Variants in AMOTL1 observed in about 807,000 individuals in gnomAD.
The protein encoded by AMOTL1 is angiomotin-like protein 1.
Under a neutral mutation model 102.9 loss-of-function variants are expected in AMOTL1, and 45 were observed. The ratio of observed to expected loss-of-function variants is 0.44; its 90% confidence interval spans 0.34 to 0.56. The LOEUF (loss-of-function observed/expected upper bound fraction) is 0.56, where lower values mean the gene tolerates loss of function less well. Among genes scored for constraint, AMOTL1 ranks in the 20% least tolerant of loss-of-function variants. The probability of loss-of-function intolerance (pLI) is 0.01; values close to 1 mark genes in which losing one functional copy is unlikely to be tolerated. For missense variants in AMOTL1, 1,114 were observed against 1,225.6 expected, an observed-to-expected ratio of 0.91 and a Z score of 1.36; for synonymous variants, 481 against 484.7, an observed-to-expected ratio of 0.99 and a Z score of 0.10.
rs1305747827 is a variant in AMOTL1 at position 94,768,457 on chromosome 11, G to A, written c.-55G>A. On this transcript the variant is annotated 5_prime_UTR_variant, in exon 1 of 13. Coordinates refer to ENST00000433060, the MANE Select transcript of AMOTL1 (RefSeq NM_130847.3). The stretch of plus-strand genomic sequence containing the variant: ...TGATTGTCCGGCGCCACTTCCCCGC[G>A]CTGCCCGGCAGCCGTCTTCCCCAGC... 2 of 1,556,596 alleles carry A rather than the reference G, an allele frequency of 1.3e-6. No individual in the cohort carries two copies. Among genetic ancestry groups the A allele is most frequent in the Middle Eastern group, 1.7e-4 (1 of 5,992 alleles).
At chr11:94,787,007 T>A (rs1271018260) in intron 1 of AMOTL1, among the ~76,000 whole-genome samples, 1 of 151,448 alleles carries the variant, frequency 6.6e-6, no homozygotes, top group Non-Finnish European at 1.5e-5. Flanking sequence ...CAAAGGTGAA[T>A]AAGACACAGT....
intron 3 of AMOTL1, among the ~76,000 whole-genome samples, chr11:94,815,167 T>C (rs1050975160): frequency 6.6e-6 from 1 of 152,202 alleles, no homozygotes; most frequent in African/African-American, 2.4e-5. Flanking sequence ...ATCGTTTAGA[T>C]TCATTGGTAA....
chr11:94,820,543 C>T (rs549094151), intron 3 of AMOTL1, among the ~76,000 whole-genome samples: 256 of 152,282 alleles, frequency 1.7e-3, no homozygotes, highest in Non-Finnish European at 2.8e-3. Flanking sequence ...ACCAGGGATC[C>T]GTTTTGTGGA....
At chr11:94,735,174 G>C (rs550260306) in intron 2 of AMOTL1, among the ~76,000 whole-genome samples, 347 of 152,340 alleles carry the variant, frequency 2.3e-3, no homozygotes, top group Non-Finnish European at 4.4e-3. Context: ...TGCAGTCAAA[G>C]CAGACCCTGC....
chr11:94,746,170 G>T (rs1042117609), intron 3 of AMOTL1, among the ~76,000 whole-genome samples: 4 of 152,166 alleles, frequency 2.6e-5, no homozygotes, highest in African/African-American at 9.7e-5. Flanking sequence ...AGAGAAAGGG[G>T]TGTGTCTCTG....
At chr11:94,772,548 A>C (rs1452069451) in intron 1 of AMOTL1, among the ~76,000 whole-genome samples, 2 of 152,198 alleles carry the variant, frequency 1.3e-5, no homozygotes, top group African/African-American at 4.8e-5. Flanking sequence ...TGCATCTCTC[A>C]ATAGTTTGTT....
chr11:94,725,803 T>G (rs1950248100), intron 1 of AMOTL1, among the ~76,000 whole-genome samples: 1 of 152,154 alleles, frequency 6.6e-6, no homozygotes, highest in South Asian at 2.1e-4. Flanking sequence ...TGCAAATGCC[T>G]TGTAATAATT....
intron 3 of AMOTL1, among the ~76,000 whole-genome samples, chr11:94,762,178 T>C (rs1348859502): frequency 6.6e-6 from 1 of 152,228 alleles, no homozygotes; most frequent in African/African-American, 2.4e-5. Context: ...GCAATCATAA[T>C]AGAATGATAT....
intron 3 of AMOTL1, among the ~76,000 whole-genome samples, chr11:94,819,531 C>A (rs1951826539): frequency 1.3e-5 from 2 of 152,204 alleles, no homozygotes; most frequent in Non-Finnish European, 2.9e-5. Flanking sequence ...AAAAGCTAAT[C>A]AGAGACTCAA....
At chr11:94,801,377 C>T (rs1451483274) in intron 3 of AMOTL1, among the ~76,000 whole-genome samples, 2 of 151,852 alleles carry the variant, frequency 1.3e-5, no homozygotes, top group Admixed American at 1.3e-4. Flanking sequence ...AGTTGGGACC[C>T]GTTTGGTTGA....
intron 1 of AMOTL1, among the ~76,000 whole-genome samples, chr11:94,721,081 C>T (rs1950168122): frequency 6.6e-6 from 1 of 152,084 alleles, no homozygotes; most frequent in Non-Finnish European, 1.5e-5. Flanking sequence ...TTTTCTGGCT[C>T]TAAGAATCTA....
intron 1 of AMOTL1, among the ~76,000 whole-genome samples, chr11:94,788,271 C>G (rs190012152): frequency 6.6e-6 from 1 of 152,190 alleles, no homozygotes; most frequent in African/African-American, 2.4e-5. Context: ...ACTACCTAAT[C>G]TCTAATTTAT....
At chr11:94,778,994 G>T (rs762737525) in intron 1 of AMOTL1, among the ~76,000 whole-genome samples, 1 of 152,142 alleles carries the variant, frequency 6.6e-6, no homozygotes, top group Non-Finnish European at 1.5e-5. Flanking sequence ...TGGAAGTCAC[G>T]TAGGGTTACT....
upstream of AMOTL1, among the ~76,000 whole-genome samples, chr11:94,767,388 A>C (rs1434582189): frequency 6.6e-6 from 1 of 152,148 alleles, no homozygotes; most frequent in African/African-American, 2.4e-5. Context: ...ATGAGAGGTA[A>C]AACTGCTGGC....
At chr11:94,746,688 T>C (rs568664784) in intron 3 of AMOTL1, among the ~76,000 whole-genome samples, 2 of 152,178 alleles carry the variant, frequency 1.3e-5, no homozygotes, top group African/African-American at 2.4e-5. Flanking sequence ...TTATAAGTCC[T>C]GAGACCAGTT....
rs1591988842 is a variant in AMOTL1 at position 94,809,727 on chromosome 11, A to G, written c.1121+9416A>G. The stretch of plus-strand genomic sequence containing the variant: ...GCCACTTTACCAATGAATCTAAACA[A>G]TAATGTATGTTGACAATTCTGAAGC... On this transcript the variant is annotated intron_variant, in intron 3 of 12. Coordinates refer to ENST00000433060, the MANE Select transcript of AMOTL1 (RefSeq NM_130847.3). Among the ~76,000 whole-genome samples the G allele has an allele frequency of 2.0e-5, 3 of 152,358 alleles. 1 individual carries two copies. Among genetic ancestry groups the G allele is most frequent in the East Asian group, 1.9e-4 (1 of 5,194 alleles).
intron 1 of AMOTL1, among the ~76,000 whole-genome samples, chr11:94,708,250 A>G (rs1949963123): frequency 6.6e-6 from 1 of 152,200 alleles, no homozygotes; most frequent in Non-Finnish European, 1.5e-5. Flanking sequence ...ACCAGAGAAG[A>G]ACTTGAAATG....
At chr11:94,749,512 A>G (rs1480065939) in intron 3 of AMOTL1, among the ~76,000 whole-genome samples, 3 of 152,222 alleles carry the variant, frequency 2.0e-5, no homozygotes, top group Non-Finnish European at 4.4e-5. Context: ...GTATCCCTGA[A>G]TTCAGTCATG....
In AMOTL1 at chr11:94,800,181, G is replaced by A. The variant is rs200480462; in HGVS notation, c.991G>A (p.Gly331Arg). 417 of 1,613,832 alleles carry A rather than the reference G, an allele frequency of 2.6e-4. 3 individuals are homozygous for A. Among genetic ancestry groups the A allele is most frequent in the Admixed American group, 1.7e-4 (10 of 60,010 alleles). ...MSPVSKTQEH[G>R]LFYGDQHPGM... Reference sequence around the variant, plus strand: ...CCCAGTCAGCAAGACCCAGGAGCACGGACTTTTTTATGGTGACCAGCACCC... The same window carrying A: ...CCCAGTCAGCAAGACCCAGGAGCACAGACTTTTTTATGGTGACCAGCACCC... Residue 331 changes from glycine (G) to arginine (R), a missense_variant, in exon 3 of 13, where the codon GGA becomes AGA. By Grantham distance (125) the Gly-to-Arg change is moderately radical. Transcript: ENST00000433060.
Sources: allele counts gnomAD v4.1 joint callset (sites outside exome capture counted in the v4.1 genomes callset), GRCh38; gene constraint gnomAD v4.1.1; transcripts MANE v1.5; gene names NCBI Gene and HGNC (gene_info 2026-07-23, HGNC 2026-07-21).